RAPH1: variants seen among roughly 807,000 people sequenced by gnomAD.
RAPH1 encodes the protein ras-associated and pleckstrin homology domains-containing protein 1.
A neutral mutation model predicts 88.1 loss-of-function variants in RAPH1; 18 were observed. That is an observed-to-expected ratio of 0.20 (90% CI 0.14 to 0.30). The LOEUF is 0.30. RAPH1 is among the 10% of genes least tolerant of loss of function. The pLI is 1.00. For missense variants in RAPH1, 1,448 were observed against 1,543.2 expected (o/e 0.94, Z 1.03); for synonymous variants, 587 against 559.0 (o/e 1.05, Z -0.71).
In RAPH1 at chr2:203,472,142, T is replaced by A. The variant is rs543603980; in HGVS notation, c.733-10217A>T. On this transcript the variant is annotated intron_variant, in intron 4 of 13. Coordinates refer to ENST00000319170, the MANE Select transcript of RAPH1 (RefSeq NM_213589.3). ...TTCTTTAGTTCTTTTTTTTTTTTTT[T>A]ATTTTTTTGAGACAGAGTCTCCCTC... Among the ~76,000 whole-genome samples, 9 of 151,262 alleles carry A rather than the reference T, an allele frequency of 5.9e-5. 2 individuals carry two copies. The South Asian group carries it at 8.4e-4, about 14-fold the overall frequency.
chr2:203,475,476 A>G (rs888267893), intron 4 of RAPH1, among the ~76,000 whole-genome samples: 3 of 152,206 alleles, frequency 2.0e-5, no homozygotes, highest in Non-Finnish European at 4.4e-5. Context: ...ATATCAAATG[A>G]TTTTATTACT....
In RAPH1 at chr2:203,459,941, C is replaced by T. The variant is rs148882288; in HGVS notation, c.1058G>A (p.Arg353His). Residue 353 changes from arginine (R) to histidine (H), a missense_variant, in exon 7 of 14, where the codon CGT (arginine) becomes CAT (histidine). By Grantham distance (29) the Arg-to-His change is conservative (BLOSUM62 0). Around this residue, in one of 2 missense-constraint regions of RAPH1, gnomAD observed 513 missense variants for 653.1 expected, o/e 0.79. Coordinates refer to ENST00000319170, the MANE Select transcript of RAPH1 (RefSeq NM_213589.3). Reference sequence around the variant, plus strand: ...TTTGAAAAGTGCATATTTTTCTATACGCTCCATAAATATAAGCTTGTTTTG... The same window carrying T: ...TTTGAAAAGTGCATATTTTTCTATATGCTCCATAAATATAAGCTTGTTTTG... ...DSQNKLIFME[R>H]IEKYALFKNP... The T allele has an allele frequency of 2.7e-5, 44 of 1,612,704 alleles. No individual in the cohort carries two copies. The highest frequency in any genetic ancestry group is 5.5e-5 in the South Asian group (5 of 90,858).
chr2:203,496,870 A>T (rs1688540185), intron 1 of RAPH1, among the ~76,000 whole-genome samples: 1 of 152,246 alleles, frequency 6.6e-6, no homozygotes. Context: ...TTGTTATGGT[A>T]GATCTAGGCA....
In RAPH1 at chr2:203,455,484, G is replaced by T; in HGVS notation, c.1255C>A (p.Leu419Ile). ...GKKSWKKRYF[L>I]LRASGIYYVP... is the part of the protein sequence containing the mutation. ...TAGTAGATACCAGATGCTCGCAAGAGAAAATAACGCTTTTTCCAGGACTTC... is the reference window on the plus strand; with the variant it reads ...TAGTAGATACCAGATGCTCGCAAGATAAAATAACGCTTTTTCCAGGACTTC... The change falls in exon 9 of 14, where the codon CTC becomes ATC. Residue 419 changes from leucine to isoleucine, a missense_variant. By Grantham distance (5) the Leu-to-Ile change is conservative (BLOSUM62 2). Around this residue, in one of 2 missense-constraint regions of RAPH1, gnomAD observed 513 missense variants for 653.1 expected, o/e 0.79. Transcript: ENST00000319170. 2 of 1,613,984 alleles carry T rather than the reference G, an allele frequency of 1.2e-6. No homozygotes were observed. Among genetic ancestry groups the T allele is most frequent in the Admixed American group, 1.7e-5 (1 of 59,982 alleles).
rs1312248894 is a variant in RAPH1, at chr2:203,448,400, ATTAC to A, written c.1513-325_1513-322del. Among the ~76,000 whole-genome samples the A allele has an allele frequency of 6.6e-6, 1 of 152,300 alleles. No homozygotes were observed. Among genetic ancestry groups the A allele is most frequent in the East Asian group, 1.9e-4 (1 of 5,190 alleles). On this transcript the variant is annotated intron_variant, in intron 11 of 13. Transcript: ENST00000319170. The surrounding 1 kb of genome is among the most constrained non-coding windows in gnomAD (Gnocchi z 4.1). ...CTCCAAATGTGGTTGGTAAATGATCATTACTTAAAGTAATTTAATTTTTCCAAAA... is the reference window on the plus strand; with the variant it reads ...CTCCAAATGTGGTTGGTAAATGATCATTAAAGTAATTTAATTTTTCCAAAA...
chr2:203,506,816 ATATC>A (rs1473631361), intron 1 of RAPH1, among the ~76,000 whole-genome samples: 2 of 87,750 alleles, frequency 2.3e-5, no homozygotes, highest in African/African-American at 1.2e-4. Flanking sequence ...CTATATCTAT[ATATC>A]TATATATATA....
At chr2:203,481,510 A>G (rs1241545204) in intron 4 of RAPH1, among the ~76,000 whole-genome samples, 1 of 151,300 alleles carries the variant, frequency 6.6e-6, no homozygotes, top group Non-Finnish European at 1.5e-5. Context: ...GTAAATCTGT[A>G]AATGTTTTTA....
chr2:203,451,149 C>T (rs1434767553), intron 10 of RAPH1, among the ~76,000 whole-genome samples: 1 of 152,138 alleles, frequency 6.6e-6, no homozygotes, highest in African/African-American at 2.4e-5. Context: ...CATCCAGGCT[C>T]TGTACAAGTA....
At position 203,441,267 on chromosome 2, in the gene RAPH1, AG is replaced by A. The variant is rs1259675614; in HGVS notation, c.1922del (p.Pro641LeufsTer30). On this transcript the variant is annotated frameshift_variant, in exon 14 of 14. Coordinates refer to ENST00000319170, the MANE Select transcript of RAPH1 (RefSeq NM_213589.3). LOFTEE classifies it low-confidence loss of function (END_TRUNC). ...PPPPPPPPPP[P>X]PPPPPPPLPS... ...GGAGTGGGGGAGGAGGGGGTGGTGGAGGGGGTGGTGGAGGAGGAGGTGGGGG... is the reference window on the plus strand; with the variant it reads ...GGAGTGGGGGAGGAGGGGGTGGTGGAGGGGTGGTGGAGGAGGAGGTGGGGG... 6 of 127,522 alleles carry A rather than the reference AG, an allele frequency of 4.7e-5. No homozygotes were observed. The highest frequency in any genetic ancestry group is 6.4e-5 in the Non-Finnish European group (5 of 78,422). 7.9% of individuals were successfully genotyped at this position (127,522 alleles called of 1,614,324 possible).
At chr2:203,470,157 A>G in intron 4 of RAPH1, 2 of 867,648 alleles carry the variant, frequency 2.3e-6, no homozygotes, top group East Asian at 5.1e-5. Context: ...GAAAATAATA[A>G]TATAAGAGCA....
chr2:203,454,078 C>A (rs1161416649), intron 10 of RAPH1, among the ~76,000 whole-genome samples: 2 of 152,148 alleles, frequency 1.3e-5, no homozygotes, highest in Non-Finnish European at 2.9e-5. Flanking sequence ...TGAGTAAGTA[C>A]AGGAAAAGAA....
At chr2:203,496,901 C>T (rs143575903) in intron 1 of RAPH1, among the ~76,000 whole-genome samples, 2 of 152,300 alleles carry the variant, frequency 1.3e-5, no homozygotes, top group East Asian at 3.9e-4. Context: ...TATAGCCTGT[C>T]AGCTGGTTTA....
rs766749014 is a variant in RAPH1 at position 203,441,031 on chromosome 2, G to A, written c.2159C>T (p.Thr720Ile). Residue 720 changes from threonine to isoleucine, a missense_variant, in exon 14 of 14, where the codon ACC becomes ATC. Transcript: ENST00000319170. ...PPPPPPPPPPTPGSAMAQLKP... is the reference protein window; with the variant it reads ...PPPPPPPPPPIPGSAMAQLKP... ...TAGCTGGGCCATGGCAGAGCCTGGG[G>A]TTGGGGGTGGAGGAGGGGGAGGGGG... The A allele has an allele frequency of 1.4e-6, 2 of 1,451,588 alleles. No individual in the cohort carries two copies. Among genetic ancestry groups the A allele is most frequent in the African/African-American group, 1.5e-5 (1 of 68,036 alleles). 89.9% of individuals were successfully genotyped at this position (1,451,588 alleles called of 1,614,324 possible).
rs1445023224 is a variant in RAPH1 at position 203,434,140 on chromosome 2, AAAT to A, written c.*5294_*5296del. 6.6e-6 allele frequency: 1 copy of A among 152,408 alleles called. No homozygotes were observed. The highest frequency in any genetic ancestry group is 1.5e-5 in the Non-Finnish European group (1 of 68,024). 9.4% of individuals were successfully genotyped at this position (152,408 alleles called of 1,614,324 possible). On this transcript the variant is annotated 3_prime_UTR_variant, in exon 14 of 14. Coordinates refer to ENST00000319170, the MANE Select transcript of RAPH1 (RefSeq NM_213589.3). ...AATGAGCATACATTTATGCAGAAGA[AAAT>A]AATAGCAACAAAGCTGCGAGAAAAA...
chr2:203,447,181 C>CTTTTTTTT (rs1161851720), intron 12 of RAPH1: 1 of 128,036 alleles, frequency 7.8e-6, no homozygotes, highest in Non-Finnish European at 1.6e-5. Context: ...TCTTTTCTTT[C>CTTTTTTTT]TTTTTTTTTT....
intron 4 of RAPH1, among the ~76,000 whole-genome samples, chr2:203,468,772 G>A (rs927246878): frequency 2.6e-5 from 4 of 152,126 alleles, no homozygotes; most frequent in African/African-American, 7.2e-5. Context: ...TGTATAAAAT[G>A]GATTGGAAGG....
At chr2:203,461,153 A>G (rs1022478518) in intron 6 of RAPH1, 96 bp downstream of exon 6, 16 of 509,466 alleles carry the variant, frequency 3.1e-5, no homozygotes, top group African/African-American at 1.0e-4. Context: ...AAACATATAT[A>G]TATATATAAA....
intron 4 of RAPH1, among the ~76,000 whole-genome samples, chr2:203,475,480 T>C (rs1002159149): frequency 6.6e-6 from 1 of 152,202 alleles, no homozygotes; most frequent in Non-Finnish European, 1.5e-5. Context: ...CAAATGATTT[T>C]ATTACTACCA....
intron 1 of RAPH1, among the ~76,000 whole-genome samples, chr2:203,511,604 T>G (rs1045085651): frequency 6.6e-6 from 1 of 152,206 alleles, no homozygotes; most frequent in Non-Finnish European, 1.5e-5. Flanking sequence ...TCGGTACATT[T>G]GTCACAATGT....
Sources: gnomAD v4.1 joint callset for allele counts (sites outside exome capture counted in the v4.1 genomes callset) on GRCh38, gnomAD v4.1.1 for gene constraint, gnomAD v4.1.1 regional missense constraint, Gnocchi (gnomAD v3.1) non-coding constraint, MANE v1.5 for transcripts, NCBI Gene and HGNC (gene_info 2026-07-23, HGNC 2026-07-21) for gene names.